Variants in PTPRQ observed in about 807,000 individuals in gnomAD.
The protein encoded by PTPRQ is protein tyrosine phosphatase receptor type Q.
PTPRQ carries 199 observed loss-of-function variants against 246.0 expected under a neutral mutation model. The observed-to-expected ratio is 0.81, with a 90% CI of 0.72 to 0.91. PTPRQ has a LOEUF of 0.91. Ranked by LOEUF, PTPRQ falls within the 40% of genes least tolerant of loss-of-function variation. PTPRQ has a pLI of 0.00. For missense variants in PTPRQ, 2,624 were observed against 2,528.4 expected, an observed-to-expected ratio of 1.04 and a Z score of -0.81; for synonymous variants, 869 against 853.2, an observed-to-expected ratio of 1.02 and a Z score of -0.32.
chr12:80,641,263 G>A (rs2121196853), intron 35 of PTPRQ, among the ~76,000 whole-genome samples: 1 of 152,202 alleles, frequency 6.6e-6, no homozygotes, highest in Admixed American at 6.5e-5. Context: ...GCACTAGCAG[G>A]GACCCCAGTA....
chr12:80,559,784 C>G (rs774257861), intron 25 of PTPRQ, among the ~76,000 whole-genome samples: 4 of 152,116 alleles, frequency 2.6e-5, no homozygotes, highest in Non-Finnish European at 5.9e-5. Context: ...TATATTCTAT[C>G]TTGAAACTAA....
chr12:80,579,177 C>CAAG (rs1333362600), intron 25 of PTPRQ, among the ~76,000 whole-genome samples: 1 of 152,094 alleles, frequency 6.6e-6, no homozygotes. Context: ...TTCCTAATAA[C>CAAG]AAGTGATATG....
At chr12:80,454,710 A>G (rs762046372) in intron 3 of PTPRQ, among the ~76,000 whole-genome samples, 2 of 152,182 alleles carry the variant, frequency 1.3e-5, no homozygotes, top group Non-Finnish European at 2.9e-5. Flanking sequence ...CTTTTCCTGC[A>G]TCTGTTGAGA....
chr12:80,460,230 G>A (rs560093042), intron 5 of PTPRQ, among the ~76,000 whole-genome samples: 1 of 152,034 alleles, frequency 6.6e-6, no homozygotes, highest in African/African-American at 2.4e-5. Context: ...CACACCTAAC[G>A]TGTGAGCTAG....
Position 80,541,849 on chromosome 12 carries a change from G to A in PTPRQ, c.3445+4G>A, listed in dbSNP as rs1051656868. On this transcript the variant is annotated splice_donor_region_variant and intron_variant, in intron 21 of 44. Transcript: ENST00000644991. ...TACATCAAGACTGAAGAAGATGGTA[G>A]GCTAGACCCTTTTATTGTCTGTTAA... 58 of 1,525,336 alleles carry A rather than the reference G, an allele frequency of 3.8e-5. No homozygotes were observed. In the African/African-American group the frequency reaches 6.0e-4, roughly 16 times the overall value. The allele number at this position is 1,525,336 out of a possible 1,614,324, so 94.5% of individuals were successfully genotyped here.
chr12:80,506,335 T>C, intron 15 of PTPRQ, 129 bp downstream of exon 15: 3 of 1,079,226 alleles, frequency 2.8e-6, no homozygotes, highest in Non-Finnish European at 3.8e-6. Flanking sequence ...TTTGGTTAAA[T>C]AAGCTAGGAG....
intron 17 of PTPRQ, among the ~76,000 whole-genome samples, chr12:80,515,481 C>A (rs1046964774): frequency 6.6e-6 from 1 of 150,858 alleles, no homozygotes; most frequent in Non-Finnish European, 1.5e-5. Context: ...AGAGCAATGG[C>A]GCCATCTTGG....
rs147541734 is a variant in PTPRQ, at chr12:80,506,078, T to C, written c.2327T>C (p.Ile776Thr). The change falls in exon 15 of 45, where the codon ATT becomes ACT. Residue 776 changes from isoleucine to threonine, a missense_variant. Coordinates refer to ENST00000644991, the MANE Select transcript of PTPRQ (RefSeq NM_001145026.2). ...TACAAAAATATTTCTTCTGGAGAGA[T>C]TGAGCTATCATTCCTTCCCCCAAGT... ...ITYKNISSGE[I>T]ELSFLPPSSP... 540 of 1,547,208 alleles carry C rather than the reference T, an allele frequency of 3.5e-4. 3 individuals are homozygous for C. In the East Asian group the frequency reaches 0.012, roughly 35 times the overall value.
intron 35 of PTPRQ, among the ~76,000 whole-genome samples, chr12:80,641,027 C>A (rs1475972110): frequency 6.6e-6 from 1 of 152,144 alleles, no homozygotes; most frequent in African/African-American, 2.4e-5. Flanking sequence ...ATTTTTGCAA[C>A]TGTAGATGGT....
At chr12:80,500,884 A>G (rs1894778545) in intron 14 of PTPRQ, among the ~76,000 whole-genome samples, 1 of 151,976 alleles carries the variant, frequency 6.6e-6, no homozygotes, top group South Asian at 2.1e-4. Context: ...TGGTAGTGGT[A>G]AGTTTTACTA....
intron 26 of PTPRQ, among the ~76,000 whole-genome samples, chr12:80,589,610 C>G (rs936876936): frequency 3.3e-5 from 5 of 152,168 alleles, no homozygotes; most frequent in Non-Finnish European, 7.4e-5. Context: ...CCAATTGTGT[C>G]TCCTGTTACA....
intron 35 of PTPRQ, among the ~76,000 whole-genome samples, chr12:80,644,116 G>A (rs1348324068): frequency 6.6e-6 from 1 of 152,126 alleles, no homozygotes; most frequent in Non-Finnish European, 1.5e-5. Context: ...GGAAAGCTGA[G>A]TCTCTGTGAC....
In PTPRQ at chr12:80,613,749, T is replaced by A. The variant is rs745546272; in HGVS notation, c.5076T>A (p.Ile1692=). Residue 1692 remains isoleucine (I), a synonymous_variant, in exon 29 of 45, where the codon ATT becomes ATA. Transcript: ENST00000644991. The part of the protein sequence containing the change: ...YREDDPTAVQ[I]HNLSIIQKTN... ...AAGATGATCCTACTGCTGTCCAGAT[T>A]CACAACCTCAGTATTATACAGAAAA... The A allele has an allele frequency of 5.8e-6, 9 of 1,545,578 alleles. No individual in the cohort carries two copies. The highest frequency in any genetic ancestry group is 1.7e-4 in the Middle Eastern group (1 of 5,974).
At chr12:80,641,493 C>A (rs893036510) in intron 35 of PTPRQ, among the ~76,000 whole-genome samples, 1 of 152,122 alleles carries the variant, frequency 6.6e-6, no homozygotes, top group Non-Finnish European at 1.5e-5. Flanking sequence ...TCAAGGAAGC[C>A]CGGTCTATTT....
chr12:80,446,187 C>T (rs7311157), intron 3 of PTPRQ, among the ~76,000 whole-genome samples: 64,982 of 150,046 alleles, frequency 0.43, 17,397 homozygotes, highest in African/African-American at 0.76. Flanking sequence ...ATACAATTTA[C>T]GTATGAAAAT....
Position 80,629,043 on chromosome 12 carries a change from G to T in PTPRQ, c.5687-3149G>T, listed in dbSNP as rs369181859. On this transcript the variant is annotated intron_variant, in intron 33 of 44. Coordinates refer to ENST00000644991, the MANE Select transcript of PTPRQ (RefSeq NM_001145026.2). Reference sequence around the variant, plus strand: ...GTATCAGGTGAGGGCTCTCTTTCTGGCTTACAGATGGTTGCCTTCTTGCAG... The same window carrying T: ...GTATCAGGTGAGGGCTCTCTTTCTGTCTTACAGATGGTTGCCTTCTTGCAG... 3.2e-4 allele frequency among the ~76,000 whole-genome samples: 48 copies of T among 151,980 alleles called. 1 individual carries two copies. The highest frequency in any genetic ancestry group is 1.1e-3 in the African/African-American group (47 of 41,458).
At chr12:80,452,442 T>C (rs543383955) in intron 3 of PTPRQ, among the ~76,000 whole-genome samples, 2 of 152,358 alleles carry the variant, frequency 1.3e-5, no homozygotes, top group East Asian at 1.9e-4. Context: ...CGTTAGTTGA[T>C]GCAGTTTCTT....
intron 25 of PTPRQ, among the ~76,000 whole-genome samples, chr12:80,567,585 T>C (rs946119983): frequency 4.6e-5 from 7 of 152,234 alleles, no homozygotes; most frequent in African/African-American, 7.2e-5. Context: ...TGTTCTCTTA[T>C]GCTAGGTGGC....
chr12:80,633,584 G>A (rs949112493), intron 34 of PTPRQ, among the ~76,000 whole-genome samples: 1 of 152,176 alleles, frequency 6.6e-6, no homozygotes, highest in African/African-American at 2.4e-5. Context: ...TTCAACTGAA[G>A]AATGTAGTTC....
Sources: gnomAD v4.1 joint callset for allele counts (sites outside exome capture counted in the v4.1 genomes callset) on GRCh38, gnomAD v4.1.1 for gene constraint, MANE v1.5 for transcripts, NCBI Gene and HGNC (gene_info 2026-07-23, HGNC 2026-07-21) for gene names.